The following KCNH7 variants were observed in gnomAD, a reference collection of about 807,000 sequenced individuals.
KCNH7 encodes the protein voltage-gated inwardly rectifying potassium channel KCNH7.
KCNH7 carries 49 observed loss-of-function variants against 120.8 expected under a neutral mutation model. The observed-to-expected ratio is 0.41, with a 90% CI of 0.32 to 0.51. The LOEUF is 0.51. Ranked by LOEUF, KCNH7 falls within the 20% of genes least tolerant of loss-of-function variation. The pLI is 0.38. For synonymous variants in KCNH7, 547 were observed against 516.1 expected (o/e 1.06, Z -0.81); for missense variants, 1,097 against 1,446.6 (o/e 0.76, Z 3.92).
intron 2 of KCNH7, among the ~76,000 whole-genome samples, chr2:162,779,530 G>A (rs7567363): frequency 0.022 from 3,349 of 152,120 alleles, 117 homozygotes; most frequent in African/African-American, 0.074. Context: ...TTTTATACGC[G>A]TGCACACAAT....
At chr2:162,400,504 G>A in intron 9 of KCNH7, 63 bp from the exon 10 acceptor site, 1 of 1,543,118 alleles carries the variant, frequency 6.5e-7, no homozygotes, top group African/African-American at 1.4e-5. Flanking sequence ...CTGAAATACA[G>A]TCAATTTCTT....
intron 6 of KCNH7, among the ~76,000 whole-genome samples, chr2:162,491,402 C>A (rs1690303018): frequency 6.6e-6 from 1 of 152,124 alleles, no homozygotes; most frequent in African/African-American, 2.4e-5. Flanking sequence ...AGGCCAGGAC[C>A]CCAATTCACG....
At chr2:162,559,852 A>G (rs901304) in intron 2 of KCNH7, among the ~76,000 whole-genome samples, 58,337 of 152,038 alleles carry the variant, frequency 0.38, 15,850 homozygotes, top group African/African-American at 0.75. Context: ...GTTTGTCACA[A>G]ATATTTAATA....
At chr2:162,424,521 A>G (rs545916636) in intron 8 of KCNH7, among the ~76,000 whole-genome samples, 30 of 152,338 alleles carry the variant, frequency 2.0e-4, no homozygotes, top group African/African-American at 6.7e-4. Context: ...TCACTGGAAT[A>G]GCTATATACC....
At chr2:162,472,384 A>T (rs1208367748) in intron 6 of KCNH7, among the ~76,000 whole-genome samples, 4 of 152,186 alleles carry the variant, frequency 2.6e-5, no homozygotes, top group Non-Finnish European at 4.4e-5. Flanking sequence ...ACTCAAACAA[A>T]TTTACAAGAA....
At chr2:162,645,708 C>T (rs1269776595) in intron 2 of KCNH7, among the ~76,000 whole-genome samples, 1 of 152,120 alleles carries the variant, frequency 6.6e-6, no homozygotes, top group Non-Finnish European at 1.5e-5. Context: ...GAGGATAAGT[C>T]AATTCATTAT....
At chr2:162,556,491 T>C (rs535538477) in intron 2 of KCNH7, among the ~76,000 whole-genome samples, 1 of 152,166 alleles carries the variant, frequency 6.6e-6, no homozygotes, top group Admixed American at 6.5e-5. Flanking sequence ...TATGTATTAC[T>C]TTTATAATTA....
intron 2 of KCNH7, among the ~76,000 whole-genome samples, chr2:162,544,773 A>G (rs1287988245): frequency 6.6e-6 from 1 of 152,048 alleles, no homozygotes; most frequent in Non-Finnish European, 1.5e-5. Context: ...GCAGCAAGAC[A>G]CCATCTATTT....
chr2:162,782,832 C>T (rs1332716046), intron 2 of KCNH7, among the ~76,000 whole-genome samples: 4 of 152,192 alleles, frequency 2.6e-5, no homozygotes, highest in Non-Finnish European at 5.9e-5. Flanking sequence ...CACTGTATAT[C>T]TGGTTAAGCT....
intron 2 of KCNH7, among the ~76,000 whole-genome samples, chr2:162,815,418 C>A (rs974033641): frequency 6.6e-6 from 1 of 152,166 alleles, no homozygotes; most frequent in Non-Finnish European, 1.5e-5. Context: ...GCAGTTCAAG[C>A]ACTCCTTATG....
chr2:162,748,836 C>CATTTTCCACCCCTT (rs1688413816), intron 2 of KCNH7, among the ~76,000 whole-genome samples: 1 of 104,338 alleles, frequency 9.6e-6, no homozygotes, highest in East Asian at 4.1e-4. Flanking sequence ...CCCTCCCCTC[C>CATTTTCCACCCCTT]TCTCCCCTCC....
At chr2:162,550,582 G>C (rs1278200885) in intron 2 of KCNH7, among the ~76,000 whole-genome samples, 1 of 151,980 alleles carries the variant, frequency 6.6e-6, no homozygotes, top group Non-Finnish European at 1.5e-5. Context: ...GCTTGCCCCT[G>C]GTGGCTCTAT....
chr2:162,724,782 T>C (rs183311341), intron 2 of KCNH7, among the ~76,000 whole-genome samples: 19 of 152,254 alleles, frequency 1.2e-4, no homozygotes, highest in Middle Eastern at 3.4e-3. Flanking sequence ...TTTCAAACCA[T>C]GGTTGACTAC....
chr2:162,504,967 A>C (rs1050333555), intron 5 of KCNH7, among the ~76,000 whole-genome samples: 3 of 152,040 alleles, frequency 2.0e-5, no homozygotes, highest in African/African-American at 7.2e-5. Flanking sequence ...TTACTGGTCA[A>C]ATTCTACCTT....
In KCNH7 at chr2:162,433,613, T is replaced by C. The variant is rs192977371; in HGVS notation, c.1954+1585A>G. Among the ~76,000 whole-genome samples the C allele has an allele frequency of 1.3e-3, 195 of 152,146 alleles. 1 individual carries two copies. Among genetic ancestry groups the C allele is most frequent in the African/African-American group, 4.4e-3 (182 of 41,532 alleles). ...TGAACTGGACCCCTATCTTTCACCA[T>C]CTACAAAAATTAAATCAAGATGGAT... On this transcript the variant is annotated intron_variant, in intron 8 of 15. Coordinates refer to ENST00000332142, the MANE Select transcript of KCNH7 (RefSeq NM_033272.4).
chr2:162,613,335 G>GA (rs1275349978), intron 2 of KCNH7, among the ~76,000 whole-genome samples: 1 of 151,768 alleles, frequency 6.6e-6, no homozygotes, highest in East Asian at 1.9e-4. Context: ...TTCAATCTGT[G>GA]AAAAGAAAAT....
At chr2:162,752,757 G>A (rs986334438) in intron 2 of KCNH7, among the ~76,000 whole-genome samples, 1 of 150,710 alleles carries the variant, frequency 6.6e-6, no homozygotes, top group Non-Finnish European at 1.5e-5. Context: ...AAATTAGCCG[G>A]GTGTGATGGT....
chr2:162,542,713 G>A (rs1347503719), intron 2 of KCNH7, among the ~76,000 whole-genome samples: 4 of 151,766 alleles, frequency 2.6e-5, no homozygotes, highest in Admixed American at 2.0e-4. Context: ...ATAAACATAC[G>A]TGTGCATGTG....
At chr2:162,715,364 G>A (rs1574298779) in intron 2 of KCNH7, among the ~76,000 whole-genome samples, 1 of 151,980 alleles carries the variant, frequency 6.6e-6, no homozygotes, top group African/African-American at 2.4e-5. Context: ...ATCTATAAGC[G>A]ACCCACCCCC....
Sources: gnomAD v4.1 joint callset for allele counts (sites outside exome capture counted in the v4.1 genomes callset) on GRCh38, gnomAD v4.1.1 for gene constraint, MANE v1.5 for transcripts, NCBI Gene and HGNC (gene_info 2026-07-23, HGNC 2026-07-21) for gene names.